COL17A1: variants seen among roughly 807,000 people sequenced by gnomAD.
COL17A1 encodes the protein collagen type XVII alpha 1 chain, also known as collagen alpha-1(XVII) chain.
In COL17A1, 181 loss-of-function variants were observed where a neutral mutation model predicts 218.4. The observed-to-expected ratio is 0.83, with a 90% CI of 0.73 to 0.94. COL17A1 has a LOEUF of 0.94. COL17A1 is among the 40% of genes least tolerant of loss of function. COL17A1 has a pLI of 0.00. For synonymous variants in COL17A1, 721 were observed against 731.0 expected (o/e 0.99, Z 0.22); for missense variants, 1,924 against 1,945.9 (o/e 0.99, Z 0.21).
intron 29 of COL17A1, among the ~76,000 whole-genome samples, chr10:104,048,440 C>G (rs541414059): frequency 6.6e-6 from 1 of 152,186 alleles, no homozygotes; most frequent in East Asian, 1.9e-4. Flanking sequence ...ATTATTGTAA[C>G]CTCTCTCCAA....
intron 50 of COL17A1, 25 bp from the exon 51 acceptor site, chr10:104,034,792 GGTC>G (rs2086259211): frequency 6.2e-7 from 1 of 1,608,818 alleles, no homozygotes; most frequent in Middle Eastern, 2.0e-4. Context: ...GAGAAAGAAA[GGTC>G]GGGGTAGTGC....
At position 104,059,674 on chromosome 10, in the gene COL17A1, A is replaced by T. The variant is rs1365583522; in HGVS notation, c.1186T>A (p.Tyr396Asn). 1 of 1,614,246 alleles carries T rather than the reference A, an allele frequency of 6.2e-7. No individual in the cohort carries two copies. The highest frequency in any genetic ancestry group is 8.5e-7 in the Non-Finnish European group (1 of 1,180,030). ...GCTTTTAGGCCTGAGTCAGCATTGTAGGCAGCTTGCTTTTCTTTTTTTAGG... is the reference window on the plus strand; with the variant it reads ...GCTTTTAGGCCTGAGTCAGCATTGTTGGCAGCTTGCTTTTCTTTTTTTAGG... ...DTLKKEKQAA[Y>N]NADSGLKAEA... Residue 396 changes from tyrosine (Y) to asparagine (N), a missense_variant, in exon 15 of 56, where the codon TAC (tyrosine) becomes AAC (asparagine). By Grantham distance (143) the Tyr-to-Asn change is moderately radical. Transcript: ENST00000648076.
At chr10:104,050,827 C>A in intron 26 of COL17A1, 21 bp downstream of exon 26, 1 of 1,614,144 alleles carries the variant, frequency 6.2e-7, no homozygotes, top group East Asian at 2.2e-5. Context: ...CACTGTCCCC[C>A]CAGGCCTCCC....
At chr10:104,051,549 G>A in intron 24 of COL17A1, 33 bp from the exon 25 acceptor site, 1 of 1,613,768 alleles carries the variant, frequency 6.2e-7, no homozygotes, top group Non-Finnish European at 8.5e-7. Flanking sequence ...AATCAGCAGA[G>A]GGGCAGATAC....
chr10:104,038,223 GACACACAT>G (rs1425096816), intron 45 of COL17A1, among the ~76,000 whole-genome samples, 175 bp downstream of exon 45: 1 of 126,670 alleles, frequency 7.9e-6, no homozygotes, highest in African/African-American at 3.2e-5. Flanking sequence ...TGGACACATA[GACACACAT>G]ACACACACAC....
intron 1 of COL17A1, among the ~76,000 whole-genome samples, 175 bp from the exon 2 acceptor site, chr10:104,080,859 G>A (rs767026890): frequency 4.4e-4 from 67 of 152,284 alleles, no homozygotes; most frequent in Non-Finnish European, 8.2e-4. Context: ...GTATAATAGA[G>A]GTTAATTTAA....
rs555393781 is a variant in COL17A1, at chr10:104,037,194, G to A, written c.3209-81C>T. The A allele has an allele frequency of 1.6e-5, 21 of 1,301,114 alleles. No homozygotes were observed. In the East Asian group the frequency reaches 4.3e-4, roughly 26 times the overall value. The allele number at this position is 1,301,114 out of a possible 1,614,324, so 80.6% of individuals were successfully genotyped here. On this transcript the variant is annotated intron_variant, in intron 46 of 55. Transcript: ENST00000648076. ...CACTATTCCAGAATCTGAAAGGCCCGGTCACCGAGCTGTTTGTCTTTGGGG... is the reference window on the plus strand; with the variant it reads ...CACTATTCCAGAATCTGAAAGGCCCAGTCACCGAGCTGTTTGTCTTTGGGG...
In COL17A1 at chr10:104,042,452, G is replaced by A; in HGVS notation, c.2519C>T (p.Pro840Leu). Residue 840 changes from proline (P) to leucine (L), a missense_variant, in exon 36 of 56, where the codon CCT (proline) becomes CTT (leucine). Transcript: ENST00000648076. ...TCCTGGGAGACCAGCTGGGCCGGCAGGGCCTGGAAACGGGGTTGAGGAAGA... is the reference window on the plus strand; with the variant it reads ...TCCTGGGAGACCAGCTGGGCCGGCAAGGCCTGGAAACGGGGTTGAGGAAGA... ...GPPGPPGAPGPAGPAGLPGHQ... is the reference protein window; with the variant it reads ...GPPGPPGAPGLAGPAGLPGHQ... 3 of 1,614,212 alleles carry A rather than the reference G, an allele frequency of 1.9e-6. No individual in the cohort carries two copies. The highest frequency in any genetic ancestry group is 2.5e-6 in the Non-Finnish European group (3 of 1,180,048).
At chr10:104,045,402 C>T (rs918213177) in intron 33 of COL17A1, among the ~76,000 whole-genome samples, 1 of 152,224 alleles carries the variant, frequency 6.6e-6, no homozygotes, top group African/African-American at 2.4e-5. Flanking sequence ...ACCAAGCCTA[C>T]ATACCAGGGG....
At chr10:104,047,837 G>T in intron 30 of COL17A1, 27 bp from the exon 31 acceptor site, 1 of 1,596,478 alleles carries the variant, frequency 6.3e-7, no homozygotes. Flanking sequence ...CAACGTGGAA[G>T]TGTTTACATT....
rs1217502852 is a variant in COL17A1, at chr10:104,055,362, A to C, written c.1717+10T>G. 1 of 1,613,802 alleles carries C rather than the reference A, an allele frequency of 6.2e-7. No homozygotes were observed. Among genetic ancestry groups the C allele is most frequent in the South Asian group, 1.1e-5 (1 of 91,072 alleles). ...ATGAATCAGAGACAAGGTTCAATCC[A>C]TGGCAATACCTTTAGGGCCAGGGCT... is the stretch of plus-strand genomic sequence containing the variant. On this transcript the variant is annotated intron_variant, in intron 19 of 55. Coordinates refer to ENST00000648076, the MANE Select transcript of COL17A1 (RefSeq NM_000494.4).
chr10:104,062,347 G>C lies in COL17A1; in HGVS notation c.839-18C>G. On this transcript the variant is annotated intron_variant, in intron 11 of 55. Transcript: ENST00000648076. Reference sequence around the variant, plus strand: ...GCCAAACACTGTGAAAGCAACCAAGGTCAGGTGAGTACAGGGAGCACGGGG... The same window carrying C: ...GCCAAACACTGTGAAAGCAACCAAGCTCAGGTGAGTACAGGGAGCACGGGG... 1 of 1,614,216 alleles carries C rather than the reference G, an allele frequency of 6.2e-7. No homozygotes were observed. The highest frequency in any genetic ancestry group is 1.3e-5 in the African/African-American group (1 of 75,058).
Position 104,051,473 on chromosome 10 carries a change from A to G in COL17A1, c.2038+8T>C, listed in dbSNP as rs759403684. On this transcript the variant is annotated splice_region_variant and intron_variant, in intron 25 of 55. Coordinates refer to ENST00000648076, the MANE Select transcript of COL17A1 (RefSeq NM_000494.4). Reference sequence around the variant, plus strand: ...ACAGAACCTATTTACAAGAAGCAGCAAACTGACCTGGAGGGCCCTGTGGGC... The same window carrying G: ...ACAGAACCTATTTACAAGAAGCAGCGAACTGACCTGGAGGGCCCTGTGGGC... 9 of 1,614,098 alleles carry G rather than the reference A, an allele frequency of 5.6e-6. No homozygotes were observed. The South Asian group carries it at 9.9e-5, about 18-fold the overall frequency.
At chr10:104,080,174 G>A (rs1186850190) in intron 2 of COL17A1, among the ~76,000 whole-genome samples, 1 of 152,120 alleles carries the variant, frequency 6.6e-6, no homozygotes, top group African/African-American at 2.4e-5. Context: ...GGTAGGAGGA[G>A]AGTTTAAATG....
At chr10:104,042,985 T>C (rs889013111) in intron 35 of COL17A1, among the ~76,000 whole-genome samples, 2 of 152,258 alleles carry the variant, frequency 1.3e-5, no homozygotes, top group Non-Finnish European at 2.9e-5. Context: ...AGTGTCCTGC[T>C]CTTTCAATAA....
In COL17A1 at chr10:104,048,069, C is replaced by A. The variant is rs768614230; in HGVS notation, c.2263G>T (p.Gly755Cys). Residue 755 changes from glycine (G) to cysteine (C), a missense_variant and splice_region_variant, in exon 30 of 56, where the codon GGT becomes TGT. Coordinates refer to ENST00000648076, the MANE Select transcript of COL17A1 (RefSeq NM_000494.4). ...AGPDGHQGPRGEQGLTGMPGI... is the reference protein window; with the variant it reads ...AGPDGHQGPRCEQGLTGMPGI... ...TGGGGGCAGCAGATGAGTGACCAAC[C>A]TCTTGGGCCTTGGTGTCCGTCTGGG... 1 of 1,614,168 alleles carries A rather than the reference C, an allele frequency of 6.2e-7. No homozygotes were observed. Among genetic ancestry groups the A allele is most frequent in the East Asian group, 2.2e-5 (1 of 44,876 alleles).
In COL17A1 at chr10:104,035,396, G is replaced by A. The variant is rs763070310; in HGVS notation, c.3509-23C>T. The A allele has an allele frequency of 1.5e-5, 25 of 1,613,428 alleles. No individual in the cohort carries two copies. In the East Asian group the frequency reaches 2.2e-4, roughly 14 times the overall value. Reference sequence around the variant, plus strand: ...ACCCTGAGACACCAAGGGAGGGCACGGAGTCAGTCCTGGCCTGGGCCAAGG... The same window carrying A: ...ACCCTGAGACACCAAGGGAGGGCACAGAGTCAGTCCTGGCCTGGGCCAAGG... On this transcript the variant is annotated intron_variant, in intron 49 of 55. Coordinates refer to ENST00000648076, the MANE Select transcript of COL17A1 (RefSeq NM_000494.4).
At position 104,077,505 on chromosome 10, in the gene COL17A1, T is replaced by C. The variant is rs749826443; in HGVS notation, c.119A>G (p.Tyr40Cys). ...LPPKGGTSNG[Y>C]AKTASLGGGS... ...TCCACCAAGAGAGGCTGTTTTAGCATAGCCATTGCTGGTCCCGCCTTCTGC... is the reference window on the plus strand; with the variant it reads ...TCCACCAAGAGAGGCTGTTTTAGCACAGCCATTGCTGGTCCCGCCTTCTGC... Residue 40 changes from tyrosine to cysteine, a missense_variant, in exon 4 of 56, where the codon TAT becomes TGT. Coordinates refer to ENST00000648076, the MANE Select transcript of COL17A1 (RefSeq NM_000494.4). The C allele has an allele frequency of 5.0e-6, 8 of 1,612,768 alleles. No individual in the cohort carries two copies. Among genetic ancestry groups the C allele is most frequent in the South Asian group, 1.1e-5 (1 of 90,718 alleles).
intron 3 of COL17A1, 98 bp downstream of exon 3, chr10:104,078,444 G>T: frequency 4.0e-6 from 6 of 1,495,782 alleles, no homozygotes; most frequent in Non-Finnish European, 5.5e-6. Flanking sequence ...TGTTAAAAAA[G>T]ATGTCAAAAA....
Sources: gnomAD v4.1 joint callset for allele counts (sites outside exome capture counted in the v4.1 genomes callset) on GRCh38, gnomAD v4.1.1 for gene constraint, MANE v1.5 for transcripts, NCBI Gene and HGNC (gene_info 2026-07-23, HGNC 2026-07-21) for gene names.